Variants in UBE2J1 observed in about 807,000 individuals in gnomAD.
UBE2J1 encodes the protein ubiquitin conjugating enzyme E2 J1.
UBE2J1 carries 17 observed loss-of-function variants against 42.1 expected under a neutral mutation model. The ratio of observed to expected loss-of-function variants is 0.40; its 90% CI spans 0.28 to 0.61. The LOEUF is 0.61. Among genes scored for constraint, UBE2J1 ranks in the 20% least tolerant of loss-of-function variants. The pLI is 0.38. For missense variants in UBE2J1, 291 were observed against 389.4 expected, an observed-to-expected ratio of 0.75 and a Z score of 2.13; for synonymous variants, 127 against 137.2, an observed-to-expected ratio of 0.93 and a Z score of 0.52.
intron 1 of UBE2J1, 92 bp downstream of exon 1, chr6:89,352,447 G>C: frequency 7.2e-7 from 1 of 1,392,902 alleles, no homozygotes. Flanking sequence ...TGAGCCGCGA[G>C]TGGCGCCAGA....
chr6:89,337,003 C>T (rs1768119372), intron 5 of UBE2J1, among the ~76,000 whole-genome samples: 2 of 152,032 alleles, frequency 1.3e-5, no homozygotes, highest in South Asian at 4.1e-4. Context: ...CCACGCCCAG[C>T]TAATTTTTGT....
At position 89,352,572 on chromosome 6, in the gene UBE2J1, TGGGTCGCTGGCTTGGCTCCGGCCTCCC is replaced by T; in HGVS notation, c.-30_-4del. 1 of 1,567,846 alleles carries T rather than the reference TGGGTCGCTGGCTTGGCTCCGGCCTCCC, an allele frequency of 6.4e-7. No individual in the cohort carries two copies. Among genetic ancestry groups the T allele is most frequent in the Non-Finnish European group, 8.6e-7 (1 of 1,163,892 alleles). On this transcript the variant is annotated 5_prime_UTR_variant, in exon 1 of 8. Coordinates refer to ENST00000435041, the MANE Select transcript of UBE2J1 (RefSeq NM_016021.3). The stretch of plus-strand genomic sequence containing the variant: ...TTCAGGTTGTAGCGGGTCTCCATGG[TGGGTCGCTGGCTTGGCTCCGGCCTCCC>T]GGGCCGCTGCCACCTCCTCTCCACG...
chr6:89,332,985 G>A (rs928414264), intron 7 of UBE2J1, 101 bp downstream of exon 7: 3 of 1,174,832 alleles, frequency 2.6e-6, no homozygotes, highest in African/African-American at 1.6e-5. Context: ...GTTGTTAAGA[G>A]AACCAAATTT....
At chr6:89,351,069 C>CTTTTTTTTTTTTTT (rs1193022037) in intron 1 of UBE2J1, among the ~76,000 whole-genome samples, 1 of 60,462 alleles carries the variant, frequency 1.7e-5, no homozygotes, top group African/African-American at 6.9e-5. Flanking sequence ...CCGGGATTCT[C>CTTTTTTTTTTTTTT]TTTTTTTTTT....
At chr6:89,332,959 G>A in intron 7 of UBE2J1, 127 bp downstream of exon 7, 1 of 681,558 alleles carries the variant, frequency 1.5e-6, no homozygotes, top group Non-Finnish European at 2.2e-6. Flanking sequence ...TAGCGGGACT[G>A]ATGAGTTAGA....
intron 3 of UBE2J1, among the ~76,000 whole-genome samples, chr6:89,341,076 A>G (rs1376773082): frequency 6.6e-6 from 1 of 152,170 alleles, no homozygotes; most frequent in African/African-American, 2.4e-5. Flanking sequence ...CGCCCGGCCT[A>G]ATTTGGTATT....
At position 89,327,601 on chromosome 6, in the gene UBE2J1, G is replaced by A. The variant is rs886506548; in HGVS notation, c.*2078C>T. ...AAACAAGCAGGTGGCTAGCTGACAG[G>A]TGGGGGAAGAGATGCAAGTCAGATA... On this transcript the variant is annotated 3_prime_UTR_variant, in exon 8 of 8. Coordinates refer to ENST00000435041, the MANE Select transcript of UBE2J1 (RefSeq NM_016021.3). The A allele has an allele frequency of 1.2e-4, 18 of 152,248 alleles. No individual in the cohort carries two copies. The highest frequency in any genetic ancestry group is 4.3e-4 in the African/African-American group (18 of 41,462). 9.4% of individuals were successfully genotyped at this position (152,248 alleles called of 1,614,324 possible).
At chr6:89,334,829 C>A (rs1449622073) in intron 6 of UBE2J1, among the ~76,000 whole-genome samples, 5 of 151,544 alleles carry the variant, frequency 3.3e-5, no homozygotes, top group Admixed American at 1.3e-4. Flanking sequence ...TTATTAAGCA[C>A]CAGGGACAGT....
intron 5 of UBE2J1, among the ~76,000 whole-genome samples, chr6:89,336,502 A>C (rs9451206): frequency 7.0e-6 from 1 of 142,650 alleles, no homozygotes; most frequent in East Asian, 2.0e-4. Context: ...TTTTATTATT[A>C]TTTTTTTTTT....
intron 7 of UBE2J1, among the ~76,000 whole-genome samples, chr6:89,330,965 A>G (rs1767998822): frequency 6.6e-6 from 1 of 152,218 alleles, no homozygotes; most frequent in Non-Finnish European, 1.5e-5. Flanking sequence ...ACAGACTGCA[A>G]GAACAAAACT....
chr6:89,326,920 A>G lies in UBE2J1; in HGVS notation c.*2759T>C, dbSNP rs1767921758. On this transcript the variant is annotated 3_prime_UTR_variant, in exon 8 of 8. Transcript: ENST00000435041. ...CTGTTTTCTGATTCTGATCTATAAA[A>G]ATGGGTGGTCTCAAAAGACCAGAAA... 6.6e-6 allele frequency: 1 copy of G among 152,540 alleles called. No individual in the cohort carries two copies. The highest frequency in any genetic ancestry group is 1.5e-5 in the Non-Finnish European group (1 of 68,024). The allele number at this position is 152,540 out of a possible 1,614,324, so 9.4% of individuals were successfully genotyped here.
chr6:89,343,684 TC>T lies in UBE2J1; in HGVS notation c.103del (p.Glu35ArgfsTer28). 1 of 1,601,598 alleles carries T rather than the reference TC, an allele frequency of 6.2e-7. No individual in the cohort carries two copies. The highest frequency in any genetic ancestry group is 2.2e-5 in the East Asian group (1 of 44,604). On this transcript the variant is annotated frameshift_variant and splice_region_variant, in exon 2 of 8. Transcript: ENST00000435041. LOFTEE classifies it high-confidence loss of function. ...PTDHYHAQPL[E>X]DNLFEWHFTV... Reference sequence around the variant, plus strand: ...AAGAACATGGAGATAGAAACTAACCTCTAAAGGCTGCGCATGGTAATGATCT... The same window carrying T: ...AAGAACATGGAGATAGAAACTAACCTTAAAGGCTGCGCATGGTAATGATCT...
chr6:89,336,257 T>C (rs1190321214), intron 5 of UBE2J1, among the ~76,000 whole-genome samples: 1 of 152,028 alleles, frequency 6.6e-6, no homozygotes, highest in Non-Finnish European at 1.5e-5. Context: ...ACAAAATATA[T>C]GTAAAAGTAG....
intron 3 of UBE2J1, among the ~76,000 whole-genome samples, chr6:89,341,276 A>T: frequency 6.6e-6 from 1 of 152,230 alleles, no homozygotes; most frequent in East Asian, 1.9e-4. Flanking sequence ...TACGGAAAGG[A>T]TGCCTTGGAG....
rs760488718 is a variant in UBE2J1 at position 89,335,398 on chromosome 6, A to G, written c.462T>C (p.Ser154=). The G allele has an allele frequency of 5.6e-6, 9 of 1,598,982 alleles. No homozygotes were observed. In the Admixed American group the frequency reaches 1.4e-4, roughly 24 times the overall value. Residue 154 remains serine, a synonymous_variant, in exon 6 of 8, where the codon TCT becomes TCC. Coordinates refer to ENST00000435041, the MANE Select transcript of UBE2J1 (RefSeq NM_016021.3). ...SQDFCCEGCG[S]AMKDVLLPLK... ...AAGGCAACAGGACATCCTTCATGGC[A>G]GAGCCACATCCTTCACAACAGAAAT...
chr6:89,349,773 G>C (rs1038697478), intron 1 of UBE2J1, among the ~76,000 whole-genome samples: 1 of 152,152 alleles, frequency 6.6e-6, no homozygotes, highest in African/African-American at 2.4e-5. Flanking sequence ...GGCATGGATA[G>C]GTAACTCTTA....
chr6:89,337,948 C>T lies in UBE2J1; in HGVS notation c.428+257G>A, dbSNP rs34335615. On this transcript the variant is annotated intron_variant, in intron 5 of 7. Coordinates refer to ENST00000435041, the MANE Select transcript of UBE2J1 (RefSeq NM_016021.3). ...ATTGTTTTCCAGGAGAATATATCTC[C>T]CACTGAATTTTTTAAAAATAGTGAA... Among the ~76,000 whole-genome samples, 7,682 of 152,136 alleles carry T rather than the reference C, an allele frequency of 0.05. 262 individuals are homozygous for T. The highest frequency in any genetic ancestry group is 0.074 in the Non-Finnish European group (5,047 of 67,986).
At chr6:89,332,503 A>T (rs1202861639) in intron 7 of UBE2J1, among the ~76,000 whole-genome samples, 1 of 152,216 alleles carries the variant, frequency 6.6e-6, no homozygotes, top group Non-Finnish European at 1.5e-5. Flanking sequence ...GAATTTTGTG[A>T]TGATAGTAAT....
chr6:89,342,315 A>AATTCTT lies in UBE2J1; in HGVS notation c.237+3_237+8dup, dbSNP rs1768260429. The AATTCTT allele has an allele frequency of 6.2e-7, 1 of 1,613,660 alleles. No homozygotes were observed. Among genetic ancestry groups the AATTCTT allele is most frequent in the African/African-American group, 1.3e-5 (1 of 74,882 alleles). On this transcript the variant is annotated intron_variant, in intron 3 of 7. Transcript: ENST00000435041. The stretch of plus-strand genomic sequence containing the variant: ...AGCCACAAGCACTCTAAAAATCCAA[A>AATTCTT]ATTCTTACCGTTAGGAGAATAATGC...
Sources: gnomAD v4.1 joint callset for allele counts (sites outside exome capture counted in the v4.1 genomes callset) on GRCh38, gnomAD v4.1.1 for gene constraint, MANE v1.5 for transcripts, NCBI Gene and HGNC (gene_info 2026-07-23, HGNC 2026-07-21) for gene names.